The following EZR variants were observed in gnomAD, a reference collection of about 807,000 sequenced individuals.
EZR encodes cytovillin 2.
Under a neutral mutation model 74.8 loss-of-function variants are expected in EZR, and 40 were observed. That is an observed-to-expected ratio of 0.53 (90% confidence interval 0.42 to 0.70). The LOEUF (loss-of-function observed/expected upper bound fraction) is 0.70, where lower values mean the gene tolerates loss of function less well. EZR is among the 30% of genes least tolerant of loss of function. The pLI is 0.00. For missense variants in EZR, 678 were observed against 755.8 expected, an observed-to-expected ratio of 0.90 and a Z score of 1.21; for synonymous variants, 341 against 283.3, an observed-to-expected ratio of 1.20 and a Z score of -2.05.
rs770216148 is a variant in EZR, at chr6:158,769,367, G to A, written c.1303C>T (p.Arg435Trp). The A allele has an allele frequency of 8.0e-5, 128 of 1,609,464 alleles. No homozygotes were observed. Among genetic ancestry groups the A allele is most frequent in the Middle Eastern group, 1.6e-4 (1 of 6,084 alleles). Residue 435 changes from arginine to tryptophan, a missense_variant, in exon 12 of 14, where the codon CGG becomes TGG. By Grantham distance (101) the Arg-to-Trp change is moderately radical. Transcript: ENST00000367075. Reference sequence around the variant, plus strand: ...TCAACTTCATCCTCCTTGCGCCTCCGCGCCTCTTCCAGGAGGGCAATCTTG... The same window carrying A: ...TCAACTTCATCCTCCTTGCGCCTCCACGCCTCTTCCAGGAGGGCAATCTTG... ...TAKIALLEEA[R>W]RRKEDEVEEW... is the part of the protein sequence containing the mutation.
chr6:158,793,505 A>G (rs1791796548), intron 2 of EZR, among the ~76,000 whole-genome samples: 1 of 152,200 alleles, frequency 6.6e-6, no homozygotes, highest in Non-Finnish European at 1.5e-5. Context: ...AATGAATACT[A>G]TGTTAATGAG....
intron 2 of EZR, among the ~76,000 whole-genome samples, chr6:158,807,191 T>C (rs1039376096): frequency 6.6e-6 from 1 of 151,984 alleles, no homozygotes; most frequent in African/African-American, 2.4e-5. Context: ...GGCTGGCGCC[T>C]GTAGTCCCAG....
chr6:158,774,698 C>G (rs1013108215), intron 8 of EZR, among the ~76,000 whole-genome samples: 1 of 151,058 alleles, frequency 6.6e-6, no homozygotes, highest in Admixed American at 6.6e-5. Flanking sequence ...CACACACACA[C>G]ACACACACAC....
At chr6:158,769,596 C>T (rs1386142177) in intron 11 of EZR, among the ~76,000 whole-genome samples, 178 bp from the exon 12 acceptor site, 2 of 152,196 alleles carry the variant, frequency 1.3e-5, no homozygotes, top group Admixed American at 6.5e-5. Context: ...TCCTGGATGC[C>T]CACACCCACC....
intron 2 of EZR, among the ~76,000 whole-genome samples, chr6:158,790,136 C>A (rs3127221): frequency 0.52 from 79,139 of 152,008 alleles, 21,602 homozygotes; most frequent in Non-Finnish European, 0.61. Context: ...AAAGACACAT[C>A]AAAAATGGAT....
intron 1 of EZR, among the ~76,000 whole-genome samples, 192 bp downstream of exon 1, chr6:158,819,125 C>T (rs1777634276): frequency 1.3e-5 from 2 of 151,446 alleles, no homozygotes; most frequent in African/African-American, 4.8e-5. Context: ...GGACCCGGCG[C>T]CGAGGGGAAG....
intron 2 of EZR, among the ~76,000 whole-genome samples, chr6:158,801,495 G>T (rs1418854527): frequency 6.6e-6 from 1 of 152,138 alleles, no homozygotes; most frequent in Non-Finnish European, 1.5e-5. Flanking sequence ...GCACAGAATT[G>T]TAACAAAAAT....
At chr6:158,814,706 C>CT (rs2128577762) in intron 2 of EZR, among the ~76,000 whole-genome samples, 1 of 152,076 alleles carries the variant, frequency 6.6e-6, no homozygotes, top group East Asian at 1.9e-4. Flanking sequence ...CCACGCCCGG[C>CT]TAATTTTTGT....
At chr6:158,772,069 G>A (rs944760387) in intron 8 of EZR, among the ~76,000 whole-genome samples, 3 of 152,128 alleles carry the variant, frequency 2.0e-5, no homozygotes, top group East Asian at 1.9e-4. Context: ...CTGTGCACTC[G>A]GTTCTCTCTC....
Position 158,806,090 on chromosome 6 carries a change from C to T in EZR, c.12+11992G>A, listed in dbSNP as rs182726879. ...ATAGTGGAAAAAACTGGGAACAAAT[C>T]GTTCTATGTGTTTCCAAGTCAGCTG... On this transcript the variant is annotated intron_variant, in intron 2 of 13. Transcript: ENST00000367075. Among the ~76,000 whole-genome samples, 14 of 152,350 alleles carry T rather than the reference C, an allele frequency of 9.2e-5. No homozygotes were observed. In the East Asian group the frequency reaches 2.3e-3, roughly 25 times the overall value.
chr6:158,788,146 G>A lies in EZR; in HGVS notation c.97-943C>T, dbSNP rs6413540. 5.4e-3 allele frequency among the ~76,000 whole-genome samples: 816 copies of A among 152,284 alleles called. 5 individuals carry two copies. The highest frequency in any genetic ancestry group is 0.019 in the African/African-American group (773 of 41,554). On this transcript the variant is annotated intron_variant, in intron 3 of 13. Coordinates refer to ENST00000367075, the MANE Select transcript of EZR (RefSeq NM_001111077.2). ...ATCATATTTAATGCCAAAGAGGGTT[G>A]AATACATTAGAAATGACAACTCAGG...
Position 158,794,599 on chromosome 6 carries a change from GAA to G in EZR, c.13-5230_13-5229del, listed in dbSNP as rs986761096. On this transcript the variant is annotated intron_variant, in intron 2 of 13. Coordinates refer to ENST00000367075, the MANE Select transcript of EZR (RefSeq NM_001111077.2). ...ATATCCAAACTATGTGCAGACTGGA[GAA>G]AAAGAGCGCGTGGTCTGCAGTTTTT... Among the ~76,000 whole-genome samples, 14 of 152,294 alleles carry G rather than the reference GAA, an allele frequency of 9.2e-5. 1 individual carries two copies. Among genetic ancestry groups the G allele is most frequent in the Middle Eastern group, 3.4e-3 (1 of 294 alleles).
intron 2 of EZR, among the ~76,000 whole-genome samples, chr6:158,802,295 T>C (rs527434333): frequency 1.3e-5 from 2 of 152,324 alleles, no homozygotes; most frequent in East Asian, 1.9e-4. Context: ...TTTTAGGAAA[T>C]GGGAGTACAA....
At chr6:158,782,929 G>A (rs770275975) in intron 7 of EZR, among the ~76,000 whole-genome samples, 1 of 152,174 alleles carries the variant, frequency 6.6e-6, no homozygotes, top group Non-Finnish European at 1.5e-5. Context: ...ATGTGAAAGC[G>A]GAACTGCCTG....
At chr6:158,815,825 T>C (rs1453500448) in intron 2 of EZR, among the ~76,000 whole-genome samples, 1 of 152,212 alleles carries the variant, frequency 6.6e-6, no homozygotes, top group Non-Finnish European at 1.5e-5. Flanking sequence ...AATACAGTCT[T>C]TCAAAGAGTA....
At chr6:158,811,022 A>G (rs780059753) in intron 2 of EZR, among the ~76,000 whole-genome samples, 4 of 152,214 alleles carry the variant, frequency 2.6e-5, no homozygotes, top group Admixed American at 6.5e-5. Context: ...TTTGAAAAAA[A>G]TTATGTGTAT....
rs147807573 is a variant in EZR at position 158,785,880 on chromosome 6, C to G, written c.193-297G>C. Among the ~76,000 whole-genome samples the G allele has an allele frequency of 1.8e-4, 28 of 152,016 alleles. No homozygotes were observed. The East Asian group carries it at 5.4e-3, about 30-fold the overall frequency. ...GGGCAACGTAGAAGAGATCCCATCTCTACAACATTTTTTAAAAAAAAGTTA... is the reference window on the plus strand; with the variant it reads ...GGGCAACGTAGAAGAGATCCCATCTGTACAACATTTTTTAAAAAAAAGTTA... On this transcript the variant is annotated intron_variant, in intron 4 of 13. Coordinates refer to ENST00000367075, the MANE Select transcript of EZR (RefSeq NM_001111077.2).
At position 158,818,111 on chromosome 6, in the gene EZR, T is replaced by C; in HGVS notation, c.-18A>G. ...TTCGGCATTTTCGGTTTCTGGTGAG[T>C]ATCCTCGATCCCCGAAAACACGACT... On this transcript the variant is annotated 5_prime_UTR_variant, in exon 2 of 14. In the 5' UTR this introduces an upstream ATG that the reference lacks. Transcript: ENST00000367075. The C allele has an allele frequency of 6.2e-7, 1 of 1,607,236 alleles. No individual in the cohort carries two copies. The highest frequency in any genetic ancestry group is 8.5e-7 in the Non-Finnish European group (1 of 1,175,426).
intron 7 of EZR, among the ~76,000 whole-genome samples, chr6:158,781,747 G>GTTCCTGTACC (rs56109661): frequency 6.6e-6 from 1 of 151,654 alleles, no homozygotes; most frequent in Admixed American, 6.6e-5. Context: ...CTGGTTCCAA[G>GTTCCTGTACC]TACCCACTTT....
Sources: allele counts gnomAD v4.1 joint callset (sites outside exome capture counted in the v4.1 genomes callset), GRCh38; gene constraint gnomAD v4.1.1; transcripts MANE v1.5; gene names NCBI Gene and HGNC (gene_info 2026-07-23, HGNC 2026-07-21).